DHX57: variants seen among roughly 807,000 people sequenced by gnomAD.
DHX57 encodes the protein DExH-box helicase 57.
DHX57 carries 105 observed loss-of-function variants against 156.2 expected under a neutral mutation model. The ratio of observed to expected loss-of-function variants is 0.67; its 90% CI spans 0.57 to 0.79. The LOEUF (loss-of-function observed/expected upper bound fraction) is 0.79, where lower values mean the gene tolerates loss of function less well. Among genes scored for constraint, DHX57 ranks in the 30% least tolerant of loss-of-function variants. The pLI is 0.00. For synonymous variants in DHX57, 704 were observed against 595.6 expected (o/e 1.18, Z -2.65); for missense variants, 1,847 against 1,661.9 (o/e 1.11, Z -1.94).
At chr2:38,800,046 G>A (rs1425412725) in intron 23 of DHX57, among the ~76,000 whole-genome samples, 3 of 151,434 alleles carry the variant, frequency 2.0e-5, no homozygotes, top group African/African-American at 7.3e-5. Flanking sequence ...AATTAGCCGG[G>A]TGGTGGCGTA....
At chr2:38,815,392 A>T (rs546729716) in intron 20 of DHX57, 129 bp downstream of exon 20, 9 of 1,233,542 alleles carry the variant, frequency 7.3e-6, no homozygotes, top group South Asian at 7.1e-5. Context: ...GCGAAGCAGA[A>T]AATCAAGAAT....
At position 38,828,506 on chromosome 2, in the gene DHX57, A is replaced by T. The variant is rs1037677200; in HGVS notation, c.2543-70T>A. 64 of 1,106,574 alleles carry T rather than the reference A, an allele frequency of 5.8e-5. No individual in the cohort carries two copies. In the South Asian group the frequency reaches 7.8e-4, roughly 13 times the overall value. The allele number at this position is 1,106,574 out of a possible 1,614,324, so 68.5% of individuals were successfully genotyped here. On this transcript the variant is annotated intron_variant, in intron 13 of 23. Coordinates refer to ENST00000457308, the MANE Select transcript of DHX57 (RefSeq NM_198963.3). ...GAAAAGAAACAAGAAAAATTTTTTT[A>T]AAAAAGAATATGATAAATGAAGTAA...
Position 38,828,440 on chromosome 2 carries a change from G to T in DHX57, c.2543-4C>A. On this transcript the variant is annotated splice_polypyrimidine_tract_variant and splice_region_variant and intron_variant, in intron 13 of 23. Transcript: ENST00000457308. The stretch of plus-strand genomic sequence containing the variant: ...GGTAAAAATACAAGTATAGCACCTG[G>T]GTATATAAAAAGAATCAATATGTGG... 6.3e-7 allele frequency: 1 copy of T among 1,595,344 alleles called. No individual in the cohort carries two copies. The highest frequency in any genetic ancestry group is 8.5e-7 in the Non-Finnish European group (1 of 1,171,056).
intron 12 of DHX57, among the ~76,000 whole-genome samples, chr2:38,838,975 A>C (rs1055381583): frequency 6.6e-6 from 1 of 151,960 alleles, no homozygotes; most frequent in Non-Finnish European, 1.5e-5. Flanking sequence ...TCTGTCACCC[A>C]GGCTGGAGTG....
At chr2:38,832,724 G>C (rs1019200907) in intron 13 of DHX57, among the ~76,000 whole-genome samples, 5 of 151,590 alleles carry the variant, frequency 3.3e-5, no homozygotes, top group Admixed American at 3.3e-4. Context: ...TTTTAGTAGA[G>C]ATGGGGTTTT....
intron 21 of DHX57, chr2:38,811,385 T>A (rs1572625950): frequency 3.6e-6 from 2 of 553,610 alleles, no homozygotes; most frequent in African/African-American, 3.8e-5. Flanking sequence ...GCGGGTGATG[T>A]AAGGCCTGGG....
Position 38,856,452 on chromosome 2 carries a change from G to A in DHX57, c.1597C>T (p.Gln533Ter). Residue 533 changes from glutamine (Q) to a stop codon, truncating the protein, a stop_gained, in exon 7 of 24, where the codon CAG (glutamine) becomes TAG (stop). Transcript: ENST00000457308. LOFTEE classifies it high-confidence loss of function. ...CTCTCTTGCAGAATGGACTGGAACT[G>A]TCTGGAAGCCTAATAAAATCAAAGA... ...KQFRMKQASR[Q>*]FQSILQERQS... The A allele has an allele frequency of 1.3e-6, 2 of 1,593,776 alleles. No individual in the cohort carries two copies. The highest frequency in any genetic ancestry group is 1.7e-6 in the Non-Finnish European group (2 of 1,174,918).
chr2:38,815,415 C>T (rs1166302013), intron 20 of DHX57, 106 bp downstream of exon 20: 2 of 1,439,994 alleles, frequency 1.4e-6, no homozygotes, highest in East Asian at 2.3e-5. Context: ...CATTAACCCA[C>T]TGCTCAAAGG....
chr2:38,854,770 C>T lies in DHX57; in HGVS notation c.1905+287G>A, dbSNP rs184484216. Reference sequence around the variant, plus strand: ...AGAGATGGGGTTTCTCCATGTTGGTCAGGCTGGTCTCGAACTCCCGACCTC... The same window carrying T: ...AGAGATGGGGTTTCTCCATGTTGGTTAGGCTGGTCTCGAACTCCCGACCTC... On this transcript the variant is annotated intron_variant, in intron 8 of 23. Coordinates refer to ENST00000457308, the MANE Select transcript of DHX57 (RefSeq NM_198963.3). The T allele has an allele frequency of 1.5e-4, 41 of 267,396 alleles. No individual in the cohort carries two copies. In the East Asian group the frequency reaches 3.4e-3, roughly 22 times the overall value. 16.6% of individuals were successfully genotyped at this position (267,396 alleles called of 1,614,324 possible). A position where few individuals can be genotyped will look rare whatever the true frequency, so the allele number is the denominator to read the frequency against.
Position 38,825,911 on chromosome 2 carries a change from G to A in DHX57, c.2950C>T (p.His984Tyr). The change falls in exon 16 of 24, where the codon CAC becomes TAC. Residue 984 changes from histidine (H) to tyrosine (Y), a missense_variant. By Grantham distance (83) the His-to-Tyr change is moderately conservative. Transcript: ENST00000457308. ...FHLFTSHHYN[H>Y]QLLKQQLPEI... Reference sequence around the variant, plus strand: ...GGTAGCTGTTGTTTTAAAAGCTGGTGATTGTAGTGATGGCTAGTGAATAAA... The same window carrying A: ...GGTAGCTGTTGTTTTAAAAGCTGGTAATTGTAGTGATGGCTAGTGAATAAA... The A allele has an allele frequency of 6.2e-7, 1 of 1,614,178 alleles. No individual in the cohort carries two copies. The highest frequency in any genetic ancestry group is 8.5e-7 in the Non-Finnish European group (1 of 1,180,020).
chr2:38,834,369 C>T (rs927027496), intron 13 of DHX57, among the ~76,000 whole-genome samples: 1 of 146,562 alleles, frequency 6.8e-6, no homozygotes, highest in Admixed American at 6.8e-5. Context: ...TAAATCAAAA[C>T]TGCATACAAT....
intron 5 of DHX57, among the ~76,000 whole-genome samples, chr2:38,860,729 C>T (rs796441547): frequency 5.9e-5 from 9 of 152,304 alleles, no homozygotes; most frequent in African/African-American, 2.2e-4. Context: ...CCTTAAGGTC[C>T]TTCCAAGCCT....
intron 21 of DHX57, chr2:38,810,831 G>A: frequency 1.3e-6 from 1 of 741,824 alleles, no homozygotes; most frequent in South Asian, 1.3e-5. Flanking sequence ...CTGGGGTCTT[G>A]CAGATACCTC....
intron 12 of DHX57, among the ~76,000 whole-genome samples, chr2:38,840,120 T>G (rs1242178404): frequency 6.6e-6 from 1 of 151,944 alleles, no homozygotes; most frequent in East Asian, 1.9e-4. Flanking sequence ...AATTTAAAAA[T>G]TTTTTTAAGA....
chr2:38,804,356 G>A (rs1165754878), intron 22 of DHX57, among the ~76,000 whole-genome samples: 1 of 152,132 alleles, frequency 6.6e-6, no homozygotes, highest in Non-Finnish European at 1.5e-5. Flanking sequence ...TGGGAGCGAT[G>A]ACACATGCCT....
intron 1 of DHX57, among the ~76,000 whole-genome samples, chr2:38,870,705 C>T (rs996549374): frequency 6.6e-6 from 1 of 152,088 alleles, no homozygotes; most frequent in Non-Finnish European, 1.5e-5. Context: ...CAGTGAAACC[C>T]TGTCTCTACT....
In DHX57 at chr2:38,847,029, C is replaced by T; in HGVS notation, c.2209G>A (p.Ala737Thr). The T allele has an allele frequency of 6.2e-7, 1 of 1,613,104 alleles. No homozygotes were observed. The highest frequency in any genetic ancestry group is 1.1e-5 in the South Asian group (1 of 90,996). Residue 737 changes from alanine to threonine, a missense_variant, in exon 11 of 24, where the codon GCT becomes ACT. Physicochemically the swap from Ala to Thr is moderately conservative, Grantham distance 58 (BLOSUM62 0). Transcript: ENST00000457308. ...VDQFFLEDAI[A>T]VTRYVLQDGS... ...TAATATCTTCCTTACCTTGTCACAG[C>T]AATTGCATCTTCCAAAAAAAATTGA...
chr2:38,843,122 A>C lies in DHX57; in HGVS notation c.2308T>G (p.Phe770Val), dbSNP rs766257650. The change falls in exon 12 of 24, where the codon TTT (phenylalanine) becomes GTT (valine). Residue 770 changes from phenylalanine (F) to valine (V), a missense_variant. Transcript: ENST00000457308. ...KLKARRNRTA[F>V]EEVEEDLRLS... Reference sequence around the variant, plus strand: ...CTTAGGTCTTCTTCCACTTCTTCAAATGCAGTTCTGTTCCGCCTTGCTTTA... The same window carrying C: ...CTTAGGTCTTCTTCCACTTCTTCAACTGCAGTTCTGTTCCGCCTTGCTTTA... 6.2e-7 allele frequency: 1 copy of C among 1,614,178 alleles called. No individual in the cohort carries two copies. Among genetic ancestry groups the C allele is most frequent in the East Asian group, 2.2e-5 (1 of 44,874 alleles).
At chr2:38,818,753 G>T in intron 19 of DHX57, 124 bp downstream of exon 19, 1 of 1,139,496 alleles carries the variant, frequency 8.8e-7, no homozygotes, top group Non-Finnish European at 1.3e-6. Flanking sequence ...CGGCTGGTAA[G>T]GCCAAACATA....
Sources: allele counts gnomAD v4.1 joint callset (sites outside exome capture counted in the v4.1 genomes callset), GRCh38; gene constraint gnomAD v4.1.1; transcripts MANE v1.5; gene names NCBI Gene and HGNC (gene_info 2026-07-23, HGNC 2026-07-21).